NBEA: variants seen among roughly 807,000 people sequenced by gnomAD.
NBEA encodes the protein neurobeachin, also known as lysosomal-trafficking regulator 2.
A neutral mutation model predicts 343.4 loss-of-function variants in NBEA; 44 were observed. The observed-to-expected ratio is 0.13, with a 90% CI of 0.10 to 0.16. The LOEUF (loss-of-function observed/expected upper bound fraction) is 0.16, where lower values mean the gene tolerates loss of function less well. NBEA is among the 10% of genes least tolerant of loss of function. NBEA has a pLI of 1.00. For missense variants in NBEA, 2,555 were observed against 3,631.3 expected, an observed-to-expected ratio of 0.70 and a Z score of 7.62; for synonymous variants, 1,175 against 1,238.7, an observed-to-expected ratio of 0.95 and a Z score of 1.08.
intron 10 of NBEA, among the ~76,000 whole-genome samples, chr13:35,081,169 C>T (rs1265411606): frequency 1.3e-5 from 2 of 152,140 alleles, no homozygotes; most frequent in Non-Finnish European, 2.9e-5. Context: ...GGGGGAATAG[C>T]AGGAGTCCTA....
chr13:35,322,036 G>A (rs568738440), intron 36 of NBEA, among the ~76,000 whole-genome samples: 1 of 152,286 alleles, frequency 6.6e-6, no homozygotes, highest in African/African-American at 2.4e-5. Context: ...GCTGAGCTCT[G>A]TTGGGGTGGG....
intron 36 of NBEA, among the ~76,000 whole-genome samples, chr13:35,320,601 T>G (rs1030634663): frequency 1.3e-5 from 2 of 152,192 alleles, no homozygotes; most frequent in Non-Finnish European, 2.9e-5. Context: ...AGGAGTATCT[T>G]TGTGATGTTC....
intron 38 of NBEA, among the ~76,000 whole-genome samples, chr13:35,415,837 T>G (rs1273743832): frequency 6.6e-6 from 1 of 152,228 alleles, no homozygotes; most frequent in African/African-American, 2.4e-5. Context: ...TATGGCCATT[T>G]TCACGATACT....
intron 31 of NBEA, among the ~76,000 whole-genome samples, chr13:35,198,980 G>A (rs951016545): frequency 1.3e-5 from 2 of 151,994 alleles, no homozygotes; most frequent in Admixed American, 1.3e-4. Context: ...GTCATCAGGA[G>A]GCACAAATTG....
chr13:35,568,824 G>T (rs2080258354), intron 45 of NBEA, among the ~76,000 whole-genome samples: 1 of 152,200 alleles, frequency 6.6e-6, no homozygotes, highest in African/African-American at 2.4e-5. Flanking sequence ...TGGGGCATTT[G>T]AGATTTCAGA....
At chr13:35,150,225 T>C (rs992743889) in intron 18 of NBEA, among the ~76,000 whole-genome samples, 5 of 152,234 alleles carry the variant, frequency 3.3e-5, no homozygotes, top group Admixed American at 3.3e-4. Flanking sequence ...GAGTTTATAA[T>C]GAATGCATAT....
intron 38 of NBEA, among the ~76,000 whole-genome samples, chr13:35,403,813 A>C (rs1470092449): frequency 3.9e-4 from 60 of 152,160 alleles, no homozygotes; most frequent in African/African-American, 1.3e-3. Flanking sequence ...TCAGAGTGAA[A>C]AGGCAACCTA....
At chr13:35,657,244 C>G (rs1191858548) in intron 55 of NBEA, among the ~76,000 whole-genome samples, 1 of 152,180 alleles carries the variant, frequency 6.6e-6, no homozygotes, top group Admixed American at 6.5e-5. Context: ...GATGAAGAAA[C>G]TAGGTGTGTT....
chr13:35,107,202 T>C (rs1392525364), intron 11 of NBEA, among the ~76,000 whole-genome samples: 1 of 151,994 alleles, frequency 6.6e-6, no homozygotes, highest in Admixed American at 6.6e-5. Flanking sequence ...TAAAGTACTA[T>C]ATTATTTTCA....
At chr13:35,105,652 C>T (rs532035806) in intron 11 of NBEA, among the ~76,000 whole-genome samples, 34 of 152,104 alleles carry the variant, frequency 2.2e-4, no homozygotes, top group Middle Eastern at 3.4e-3. Flanking sequence ...GAATGCTAAA[C>T]TTTGATACTG....
At chr13:35,305,331 A>G (rs17052046) in intron 35 of NBEA, among the ~76,000 whole-genome samples, 1,870 of 152,152 alleles carry the variant, frequency 0.012, 33 homozygotes, top group African/African-American at 0.043. Flanking sequence ...TATTTAGATA[A>G]TTTTCATTGC....
At chr13:35,624,317 AC>A (rs1222625125) in intron 48 of NBEA, among the ~76,000 whole-genome samples, 2 of 152,170 alleles carry the variant, frequency 1.3e-5, no homozygotes, top group African/African-American at 4.8e-5. Context: ...TCAAAGTATT[AC>A]AGTTGCATCA....
At chr13:35,366,170 G>A (rs1307079509) in intron 38 of NBEA, among the ~76,000 whole-genome samples, 1 of 151,482 alleles carries the variant, frequency 6.6e-6, no homozygotes, top group African/African-American at 2.4e-5. Flanking sequence ...TGACATGATA[G>A]CATTCCCATA....
At chr13:35,235,921 C>T (rs117605026) in intron 34 of NBEA, among the ~76,000 whole-genome samples, 1,925 of 152,024 alleles carry the variant, frequency 0.013, 16 homozygotes, top group Middle Eastern at 0.034. Flanking sequence ...AATACTGGAA[C>T]GGGTTAGATA....
chr13:34,995,492 A>C lies in NBEA; in HGVS notation c.295-45441A>C, dbSNP rs567628715. Among the ~76,000 whole-genome samples, 4 of 152,276 alleles carry C rather than the reference A, an allele frequency of 2.6e-5. No homozygotes were observed. The South Asian group carries it at 8.3e-4, about 32-fold the overall frequency. ...GAGGTTGCCTGAGCAAAAAACAAAC[A>C]AACAAACCAAAAAACCCAATAACAA... On this transcript the variant is annotated intron_variant, in intron 1 of 58. Transcript: ENST00000379939.
At chr13:35,119,782 G>A (rs1418766541) in intron 16 of NBEA, among the ~76,000 whole-genome samples, 2 of 152,034 alleles carry the variant, frequency 1.3e-5, no homozygotes, top group Non-Finnish European at 2.9e-5. Context: ...GTAGAGACGG[G>A]GTTTCACCAT....
At chr13:35,257,412 C>T (rs1037578527) in intron 34 of NBEA, among the ~76,000 whole-genome samples, 2 of 152,086 alleles carry the variant, frequency 1.3e-5, no homozygotes, top group African/African-American at 4.8e-5. Flanking sequence ...TGGGAGGTAA[C>T]ATAAAATAGT....
At chr13:35,570,350 T>C (rs2080345601) in intron 45 of NBEA, among the ~76,000 whole-genome samples, 1 of 152,204 alleles carries the variant, frequency 6.6e-6, no homozygotes, top group Non-Finnish European at 1.5e-5. Flanking sequence ...AGGGTTTTTA[T>C]GCTAATCTGT....
Position 35,649,531 on chromosome 13 carries a change from T to G in NBEA, c.7771-124T>G. 3.9e-6 allele frequency: 3 copies of G among 766,116 alleles called. No individual in the cohort carries two copies. The South Asian group carries it at 5.4e-5, about 14-fold the overall frequency. 47.5% of individuals were successfully genotyped at this position (766,116 alleles called of 1,614,324 possible). A position where few individuals can be genotyped will look rare whatever the true frequency, so the allele number is the denominator to read the frequency against. ...ACATTCACCAGTATGAAAGTTTAGG[T>G]GGCTTTTCCTCCTTGTGTGTGCTCG... On this transcript the variant is annotated intron_variant, in intron 51 of 58. Transcript: ENST00000379939.
Sources: allele counts gnomAD v4.1 joint callset (sites outside exome capture counted in the v4.1 genomes callset), GRCh38; gene constraint gnomAD v4.1.1; transcripts MANE v1.5; gene names NCBI Gene and HGNC (gene_info 2026-07-23, HGNC 2026-07-21).